STRN4: variants seen among roughly 807,000 people sequenced by gnomAD.
The protein encoded by STRN4 is striatin 4.
STRN4 carries 27 observed loss-of-function variants against 77.9 expected under a neutral mutation model. The ratio of observed to expected loss-of-function variants is 0.35; its 90% confidence interval spans 0.26 to 0.48. The LOEUF is 0.48. Among genes scored for constraint, STRN4 ranks in the 20% least tolerant of loss-of-function variants. STRN4 has a pLI of 0.99. For missense variants in STRN4, 798 were observed against 1,049.7 expected (o/e 0.76, Z 3.31); for synonymous variants, 466 against 443.1 (o/e 1.05, Z -0.65).
Position 46,723,282 on chromosome 19 carries a change from G to T in STRN4, c.1597C>A (p.Pro533Thr). 6.5e-7 allele frequency: 1 copy of T among 1,539,248 alleles called. No individual in the cohort carries two copies. ...TCCAGGACGTGGCTCAGCACGCTTG[G>T]GTCTGCACCCACCGCAGGGAGGAAA... ...LSMDPYDGYD[P>T]SVLSHVLEGH... Residue 533 changes from proline to threonine, a missense_variant and splice_region_variant, in exon 13 of 18, where the codon CCA becomes ACA. Pro to Thr is a conservative substitution (Grantham distance 38). This residue lies in a region of STRN4 where 287 missense variants were observed against 473.8 expected (regional missense o/e 0.61). Coordinates refer to ENST00000263280, the MANE Select transcript of STRN4 (RefSeq NM_013403.3). The surrounding 1 kb of genome is among the most constrained non-coding windows in gnomAD (Gnocchi z 5.5).
In STRN4 at chr19:46,725,740, C is replaced by T. The variant is rs1008462822; in HGVS notation, c.1249-92G>A. The T allele has an allele frequency of 4.7e-6, 7 of 1,477,766 alleles. No homozygotes were observed. The Admixed American group carries it at 8.0e-5, about 17-fold the overall frequency. The allele number at this position is 1,477,766 out of a possible 1,614,324, so 91.5% of individuals were successfully genotyped here. On this transcript the variant is annotated intron_variant, in intron 9 of 17. Coordinates refer to ENST00000263280, the MANE Select transcript of STRN4 (RefSeq NM_013403.3). The stretch of plus-strand genomic sequence containing the variant: ...CCAGGGCTTGAGGGCCCCTGTCTTC[C>T]ACCCACATGACCCTGGCAGGAATGC...
At chr19:46,737,874 T>C (rs1349984087) in intron 3 of STRN4, among the ~76,000 whole-genome samples, 1 of 152,168 alleles carries the variant, frequency 6.6e-6, no homozygotes, top group Non-Finnish European at 1.5e-5. Flanking sequence ...CCCAGCACTC[T>C]ATAAATAGCC....
chr19:46,726,983 G>A (rs1260108627), intron 9 of STRN4, among the ~76,000 whole-genome samples: 1 of 151,990 alleles, frequency 6.6e-6, no homozygotes, highest in East Asian at 1.9e-4. Flanking sequence ...CCTTACTAGG[G>A]TCACCAACAC....
At chr19:46,728,571 C>T in intron 7 of STRN4, 47 bp downstream of exon 7, 6 of 1,590,826 alleles carry the variant, frequency 3.8e-6, no homozygotes, top group Non-Finnish European at 2.6e-6. Flanking sequence ...CTCCCACCCC[C>T]TCGGTGGGGA....
intron 6 of STRN4, among the ~76,000 whole-genome samples, chr19:46,729,909 G>A (rs2054209654): frequency 6.6e-6 from 1 of 152,124 alleles, no homozygotes; most frequent in Non-Finnish European, 1.5e-5. Context: ...GCTGGGCCAG[G>A]GCCCCCTGGG....
At chr19:46,735,594 T>G (rs1326085528) in intron 4 of STRN4, among the ~76,000 whole-genome samples, 1 of 152,156 alleles carries the variant, frequency 6.6e-6, no homozygotes, top group Non-Finnish European at 1.5e-5. Flanking sequence ...GTGGAGAAAT[T>G]ATGAGTGATT....
rs114412885 is a variant in STRN4 at position 46,727,301 on chromosome 19, G to A, written c.1248+151C>T. The A allele has an allele frequency of 9.2e-4, 608 of 662,032 alleles. 4 individuals carry two copies. In the African/African-American group the frequency reaches 9.9e-3, roughly 11 times the overall value. The allele number at this position is 662,032 out of a possible 1,614,324, so 41.0% of individuals were successfully genotyped here. On this transcript the variant is annotated intron_variant, in intron 9 of 17. Transcript: ENST00000263280. ...AGTCTTCCAGGCCCTGCGCCTTGGC[G>A]ACCGCAGTCAAGTCCCTCCACTGTC... is the stretch of plus-strand genomic sequence containing the variant.
rs941696117 is a variant in STRN4, at chr19:46,741,707, C to T, written c.283-2819G>A. Among the ~76,000 whole-genome samples the T allele has an allele frequency of 2.6e-5, 4 of 152,216 alleles. No homozygotes were observed. Among genetic ancestry groups the T allele is most frequent in the Non-Finnish European group, 4.4e-5 (3 of 68,044 alleles). On this transcript the variant is annotated intron_variant, in intron 1 of 17. Transcript: ENST00000263280. This position sits in a 1 kb window ranked among gnomAD's most constrained non-coding sequence, Gnocchi z 4.9. ...TGGCAGCTACTGCCTCTCCGCCCCTCCAGCTATTCCCAGCAAGGCGACATC... is the reference window on the plus strand; with the variant it reads ...TGGCAGCTACTGCCTCTCCGCCCCTTCAGCTATTCCCAGCAAGGCGACATC...
rs762918219 is a variant in STRN4 at position 46,722,971 on chromosome 19, AG to A, written c.1766-22del. The A allele has an allele frequency of 1.9e-6, 3 of 1,612,984 alleles. No homozygotes were observed. The Admixed American group carries it at 5.0e-5, about 27-fold the overall frequency. Reference sequence around the variant, plus strand: ...GTGCTCTGAGGGCACAGGGAAGAGAAGGCTGCTGAATGGACCCTCAGACCCA... The same window carrying A: ...GTGCTCTGAGGGCACAGGGAAGAGAAGCTGCTGAATGGACCCTCAGACCCA... On this transcript the variant is annotated intron_variant, in intron 13 of 17. Coordinates refer to ENST00000263280, the MANE Select transcript of STRN4 (RefSeq NM_013403.3).
chr19:46,728,864 G>C, intron 6 of STRN4, 87 bp from the exon 7 acceptor site: 3 of 1,546,650 alleles, frequency 1.9e-6, no homozygotes, highest in South Asian at 2.4e-5. Flanking sequence ...GTAAGCCGGG[G>C]CTCTGGGCCC....
At position 46,738,999 on chromosome 19, in the gene STRN4, G is replaced by T; in HGVS notation, c.283-111C>A. The T allele has an allele frequency of 1.2e-6, 1 of 851,150 alleles. No individual in the cohort carries two copies. The highest frequency in any genetic ancestry group is 1.9e-6 in the Non-Finnish European group (1 of 521,496). The allele number at this position is 851,150 out of a possible 1,614,324, so 52.7% of individuals were successfully genotyped here. A position where few individuals can be genotyped will look rare whatever the true frequency, so the allele number is the denominator to read the frequency against. On this transcript the variant is annotated intron_variant, in intron 1 of 17. Transcript: ENST00000263280. The surrounding 1 kb of genome is among the most constrained non-coding windows in gnomAD (Gnocchi z 4.5). Reference sequence around the variant, plus strand: ...AGCCCACAGTCACCCCACAGTAATGGGCAGCAGCCACTTCCTCAGGCACAA... The same window carrying T: ...AGCCCACAGTCACCCCACAGTAATGTGCAGCAGCCACTTCCTCAGGCACAA...
intron 1 of STRN4, 115 bp from the exon 2 acceptor site, chr19:46,739,003 G>A (rs1014154373): frequency 2.5e-6 from 2 of 811,104 alleles, no homozygotes; most frequent in Non-Finnish European, 4.1e-6. Context: ...GTAATGGGCA[G>A]CAGCCACTTC....
chr19:46,743,077 G>A (rs1322421231), intron 1 of STRN4, among the ~76,000 whole-genome samples: 2 of 152,204 alleles, frequency 1.3e-5, no homozygotes, highest in Non-Finnish European at 2.9e-5. Flanking sequence ...AGTTCTCTGT[G>A]CTGATATGAA....
chr19:46,728,515 G>T, intron 7 of STRN4, 103 bp downstream of exon 7: 1 of 1,419,532 alleles, frequency 7.0e-7, no homozygotes, highest in South Asian at 1.4e-5. Context: ...ATATCCGTCC[G>T]GTAGAGAGAC....
intron 1 of STRN4, 138 bp downstream of exon 1, chr19:46,746,011 G>T: frequency 8.9e-7 from 1 of 1,125,148 alleles, no homozygotes; most frequent in South Asian, 2.4e-5. Flanking sequence ...CGCCCTCCGG[G>T]ACCGTCGCGG....
chr19:46,731,802 C>G (rs1283663701), intron 5 of STRN4: 1 of 152,586 alleles, frequency 6.6e-6, no homozygotes, highest in Non-Finnish European at 1.5e-5. Flanking sequence ...TGGGAGAGCA[C>G]CCGGGCAGTC....
chr19:46,721,938 T>TG, intron 16 of STRN4, 48 bp downstream of exon 16: 1 of 1,605,870 alleles, frequency 6.2e-7, no homozygotes, highest in Non-Finnish European at 8.5e-7. Context: ...CCCAGGCCTC[T>TG]TCCTCCCCTT....
Position 46,733,294 on chromosome 19 carries a change from A to T in STRN4, c.540-58T>A, listed in dbSNP as rs1166873415. Reference sequence around the variant, plus strand: ...TCCCCTGGGCTTCTTCATGTACCACAGGGGCCAATGCAAACCGAGACAACC... The same window carrying T: ...TCCCCTGGGCTTCTTCATGTACCACTGGGGCCAATGCAAACCGAGACAACC... On this transcript the variant is annotated intron_variant, in intron 4 of 17. Transcript: ENST00000263280. The surrounding 1 kb of genome is among the most constrained non-coding windows in gnomAD (Gnocchi z 4.3). 1.2e-5 allele frequency: 19 copies of T among 1,552,500 alleles called. No homozygotes were observed. Among genetic ancestry groups the T allele is most frequent in the Non-Finnish European group, 1.7e-5 (19 of 1,145,534 alleles).
At position 46,738,843 on chromosome 19, in the gene STRN4, G is replaced by C; in HGVS notation, c.328C>G (p.Leu110Val). 1 of 1,614,168 alleles carries C rather than the reference G, an allele frequency of 6.2e-7. No individual in the cohort carries two copies. The highest frequency in any genetic ancestry group is 1.3e-5 in the African/African-American group (1 of 75,042). ...LQGERKGQEN[L>V]KTDLVRRIKM... ...ATCCGCCGCACCAGGTCCGTCTTTA[G>C]ATTCTCCTGCCCTTTCCTCTCTCCC... The change falls in exon 2 of 18, where the codon CTA (leucine) becomes GTA (valine). Residue 110 changes from leucine to valine, a missense_variant. This residue lies in a region of STRN4 where 511 missense variants were observed against 575.9 expected (regional missense o/e 0.89). Transcript: ENST00000263280. This position sits in a 1 kb window ranked among gnomAD's most constrained non-coding sequence, Gnocchi z 4.5.
Sources: gnomAD v4.1 joint callset for allele counts (sites outside exome capture counted in the v4.1 genomes callset) on GRCh38, gnomAD v4.1.1 for gene constraint, gnomAD v4.1.1 regional missense constraint, Gnocchi (gnomAD v3.1) non-coding constraint, MANE v1.5 for transcripts, NCBI Gene and HGNC (gene_info 2026-07-23, HGNC 2026-07-21) for gene names.